Variants in LCA5L observed in about 807,000 individuals in gnomAD.
The protein encoded by LCA5L is lebercilin-like protein.
Under a neutral mutation model 45.4 loss-of-function variants are expected in LCA5L, and 35 were observed. The observed-to-expected ratio is 0.77, with a 90% CI of 0.59 to 1.02. LCA5L has a LOEUF of 1.02. Ranked by LOEUF, LCA5L falls within the 50% of genes least tolerant of loss-of-function variation. The pLI is 0.00. For missense variants in LCA5L, 668 were observed against 761.6 expected (o/e 0.88, Z 1.45); for synonymous variants, 233 against 264.7 (o/e 0.88, Z 1.16).
At chr21:39,437,820 TATTTAAAACATCTAAGTTTACTACGAATA>T (rs1377228874) in intron 2 of LCA5L, among the ~76,000 whole-genome samples, 1 of 152,172 alleles carries the variant, frequency 6.6e-6, no homozygotes. Context: ...TATATCCAAA[TATTTAAAACATCTAAGTTTACTACGAATA>T]ATATGAAGGA....
intron 7 of LCA5L, among the ~76,000 whole-genome samples, chr21:39,419,416 T>C (rs1379762455): frequency 6.6e-6 from 1 of 151,194 alleles, no homozygotes; most frequent in East Asian, 1.9e-4. Context: ...TCCCAGCTAC[T>C]TGGGAGGCCG....
intron 7 of LCA5L, among the ~76,000 whole-genome samples, chr21:39,415,504 A>G (rs1427770741): frequency 1.3e-5 from 2 of 152,188 alleles, no homozygotes; most frequent in Admixed American, 6.5e-5. Flanking sequence ...TTTGAAGCAA[A>G]TCTAGACCTC....
At chr21:39,423,705 C>A (rs2074132148) in intron 5 of LCA5L, among the ~76,000 whole-genome samples, 1 of 152,186 alleles carries the variant, frequency 6.6e-6, no homozygotes, top group Non-Finnish European at 1.5e-5. Flanking sequence ...TAATACAATT[C>A]TTTAAGATCA....
intron 7 of LCA5L, among the ~76,000 whole-genome samples, chr21:39,416,654 C>G (rs1011012742): frequency 6.9e-6 from 1 of 144,534 alleles, no homozygotes; most frequent in African/African-American, 2.7e-5. Flanking sequence ...CTCTATCTTA[C>G]TTCTGTATTT....
At chr21:39,412,462 C>T (rs986285364) in intron 7 of LCA5L, among the ~76,000 whole-genome samples, 1 of 152,184 alleles carries the variant, frequency 6.6e-6, no homozygotes, top group Non-Finnish European at 1.5e-5. Flanking sequence ...CTCCTTCTTA[C>T]ATGTACACCA....
chr21:39,423,121 G>C lies in LCA5L; in HGVS notation c.692C>G (p.Thr231Ser). The change falls in exon 6 of 11, where the codon ACT becomes AGT. Residue 231 changes from threonine (T) to serine (S), a missense_variant. Coordinates refer to ENST00000288350, the MANE Select transcript of LCA5L (RefSeq NM_152505.4). ...TTTAGTCTTCAGTAACTGGCTGTCAGTTTCTCTAAGTTTCCTAGATAGAGT... is the reference window on the plus strand; with the variant it reads ...TTTAGTCTTCAGTAACTGGCTGTCACTTTCTCTAAGTTTCCTAGATAGAGT... ...ERTLSRKLRE[T>S]DSQLLKTKDI... The C allele has an allele frequency of 1.2e-6, 2 of 1,613,850 alleles. No individual in the cohort carries two copies. The highest frequency in any genetic ancestry group is 1.7e-6 in the Non-Finnish European group (2 of 1,179,964).
rs2077339243 is a variant in LCA5L, at chr21:39,445,214, A to G, written c.-313+511T>C. 1.9e-4 allele frequency among the ~76,000 whole-genome samples: 7 copies of G among 36,686 alleles called. No homozygotes were observed. The Admixed American group carries it at 2.6e-3, about 13-fold the overall frequency. The allele number at this position is 36,686 out of a possible 152,430, so 24.1% of individuals were successfully genotyped here. A position where few individuals can be genotyped will look rare whatever the true frequency, so the allele number is the denominator to read the frequency against. On this transcript the variant is annotated intron_variant, in intron 1 of 10. Coordinates refer to ENST00000288350, the MANE Select transcript of LCA5L (RefSeq NM_152505.4). ...GAGGCTGGGTGAGTGGGGGACAAACACAGACAGAGAAGACATTTCAAAAGA... is the reference window on the plus strand; with the variant it reads ...GAGGCTGGGTGAGTGGGGGACAAACGCAGACAGAGAAGACATTTCAAAAGA...
intron 8 of LCA5L, chr21:39,410,825 A>G (rs895216663): frequency 6.4e-6 from 3 of 470,924 alleles, no homozygotes; most frequent in South Asian, 1.5e-5. Flanking sequence ...CGGTTGATTC[A>G]TTGTCTCTAT....
intron 3 of LCA5L, among the ~76,000 whole-genome samples, chr21:39,429,877 G>A (rs2075473265): frequency 1.3e-5 from 2 of 152,102 alleles, no homozygotes; most frequent in African/African-American, 4.8e-5. Context: ...AATTAGTGGG[G>A]TGTGGTGGTG....
intron 3 of LCA5L, among the ~76,000 whole-genome samples, chr21:39,431,380 C>T (rs1407047548): frequency 6.6e-6 from 1 of 151,876 alleles, no homozygotes; most frequent in East Asian, 1.9e-4. Flanking sequence ...AAATTATCCA[C>T]AATCTTTCCT....
At chr21:39,440,992 C>T (rs2076783069) in intron 2 of LCA5L, among the ~76,000 whole-genome samples, 1 of 151,988 alleles carries the variant, frequency 6.6e-6, no homozygotes. Context: ...TTTTTTGCTT[C>T]AGAAATTTTG....
At position 39,420,976 on chromosome 21, in the gene LCA5L, G is replaced by A. The variant is rs953228895; in HGVS notation, c.838-133C>T. On this transcript the variant is annotated intron_variant, in intron 6 of 10. Coordinates refer to ENST00000288350, the MANE Select transcript of LCA5L (RefSeq NM_152505.4). ...ATTTTAGTGAATGACTTATACAGGG[G>A]ACATATATTGGAATGAAGTATAACC... 3 of 584,692 alleles carry A rather than the reference G, an allele frequency of 5.1e-6. No individual in the cohort carries two copies. In the East Asian group the frequency reaches 8.5e-5, roughly 16 times the overall value. 36.2% of individuals were successfully genotyped at this position (584,692 alleles called of 1,614,324 possible).
intron 7 of LCA5L, among the ~76,000 whole-genome samples, chr21:39,415,629 G>A (rs1298173591): frequency 2.6e-5 from 4 of 152,122 alleles, no homozygotes; most frequent in African/African-American, 9.7e-5. Context: ...CAAATATCCA[G>A]TTTGTTTAAC....
chr21:39,445,668 TGGG>T lies in LCA5L; in HGVS notation c.-313+54_-313+56del, dbSNP rs958092443. On this transcript the variant is annotated intron_variant, in intron 1 of 10. Transcript: ENST00000288350. ...AGGAGGGTCCGGAAGGGCCCAGAGC[TGGG>T]GCTGTAACAGGGTAACCGGCTGAGG... 13 of 152,604 alleles carry T rather than the reference TGGG, an allele frequency of 8.5e-5. 1 individual carries two copies. The highest frequency in any genetic ancestry group is 3.1e-4 in the African/African-American group (13 of 41,558). The allele number at this position is 152,604 out of a possible 1,614,324, so 9.5% of individuals were successfully genotyped here. A position where few individuals can be genotyped will look rare whatever the true frequency, so the allele number is the denominator to read the frequency against.
intron 2 of LCA5L, among the ~76,000 whole-genome samples, chr21:39,442,406 G>T (rs2076957745): frequency 6.6e-6 from 1 of 152,250 alleles, no homozygotes; most frequent in South Asian, 2.1e-4. Flanking sequence ...GCTAACTGTA[G>T]GCAAAAGAGG....
chr21:39,421,653 G>A (rs1282169709), intron 6 of LCA5L: 1 of 152,122 alleles, frequency 6.6e-6, no homozygotes, highest in Non-Finnish European at 1.5e-5. Context: ...ACTTTTCTTT[G>A]TTTTAACATA....
At chr21:39,429,378 A>C (rs1449875542) in intron 3 of LCA5L, 167 bp from the exon 4 acceptor site, 1 of 152,224 alleles carries the variant, frequency 6.6e-6, no homozygotes, top group East Asian at 1.9e-4. Context: ...TATATTAGGC[A>C]GTCCACAATC....
At chr21:39,417,858 C>T (rs186524739) in intron 7 of LCA5L, among the ~76,000 whole-genome samples, 3 of 152,124 alleles carry the variant, frequency 2.0e-5, no homozygotes, top group Non-Finnish European at 2.9e-5. Flanking sequence ...CTCCGCCTCC[C>T]GAGTTCACAC....
At position 39,406,615 on chromosome 21, in the gene LCA5L, A is replaced by G. The variant is rs748887911; in HGVS notation, c.1283-3T>C. The G allele has an allele frequency of 7.7e-6, 12 of 1,558,690 alleles. No homozygotes were observed. The highest frequency in any genetic ancestry group is 1.4e-5 in the African/African-American group (1 of 72,234). The stretch of plus-strand genomic sequence containing the variant: ...ATGTTTCTCTTCCCCTGATAAATCT[A>G]TATTAGAAAAATAGGCAATTTAGTG... On this transcript the variant is annotated splice_polypyrimidine_tract_variant and splice_region_variant and intron_variant, in intron 10 of 10. Transcript: ENST00000288350.
Sources: gnomAD v4.1 joint callset for allele counts (sites outside exome capture counted in the v4.1 genomes callset) on GRCh38, gnomAD v4.1.1 for gene constraint, MANE v1.5 for transcripts, NCBI Gene and HGNC (gene_info 2026-07-23, HGNC 2026-07-21) for gene names.